Variants in INPP4B observed in about 807,000 individuals in gnomAD.
The protein encoded by INPP4B is inositol polyphosphate 4-phosphatase type II.
A neutral mutation model predicts 122.5 loss-of-function variants in INPP4B; 55 were observed. That is an observed-to-expected ratio of 0.45 (90% CI 0.36 to 0.56). INPP4B has a LOEUF of 0.56. INPP4B is among the 20% of genes least tolerant of loss of function. The probability of loss-of-function intolerance (pLI) is 0.00; values close to 1 mark genes in which losing one functional copy is unlikely to be tolerated. For synonymous variants in INPP4B, 403 were observed against 388.7 expected (o/e 1.04, Z -0.43); for missense variants, 1,000 against 1,097.7 (o/e 0.91, Z 1.26).
At chr4:142,673,710 A>C (rs553297683) in intron 2 of INPP4B, among the ~76,000 whole-genome samples, 6 of 152,254 alleles carry the variant, frequency 3.9e-5, no homozygotes, top group Non-Finnish European at 7.4e-5. Context: ...CAGAAGATGA[A>C]GGACAACCTG....
intron 11 of INPP4B, among the ~76,000 whole-genome samples, chr4:142,253,103 C>T (rs951780880): frequency 6.6e-6 from 1 of 152,020 alleles, no homozygotes; most frequent in African/African-American, 2.4e-5. Context: ...CATATCTAAA[C>T]ATAGAAAAGG....
intron 1 of INPP4B, among the ~76,000 whole-genome samples, chr4:142,751,253 A>T (rs1351893680): frequency 6.6e-6 from 1 of 150,520 alleles, no homozygotes; most frequent in Admixed American, 6.6e-5. Context: ...TTGTTTTCAT[A>T]AAAAGCCAAA....
At chr4:142,529,551 T>C (rs1827337900) in intron 2 of INPP4B, among the ~76,000 whole-genome samples, 1 of 152,002 alleles carries the variant, frequency 6.6e-6, no homozygotes, top group South Asian at 2.1e-4. Flanking sequence ...TATGTGAACA[T>C]AAAATGGATT....
At chr4:142,670,054 A>G (rs1756762735) in intron 2 of INPP4B, among the ~76,000 whole-genome samples, 1 of 152,222 alleles carries the variant, frequency 6.6e-6, no homozygotes, top group Admixed American at 6.5e-5. Flanking sequence ...TAAACAATTC[A>G]TAAGTTTGAA....
At chr4:142,627,780 G>A (rs1469793098) in intron 2 of INPP4B, among the ~76,000 whole-genome samples, 4 of 152,154 alleles carry the variant, frequency 2.6e-5, no homozygotes, top group Admixed American at 6.6e-5. Context: ...AATGAGTTAG[G>A]AGGATTCCCT....
intron 25 of INPP4B, among the ~76,000 whole-genome samples, chr4:142,066,313 A>C (rs533692794): frequency 6.6e-6 from 1 of 152,334 alleles, no homozygotes; most frequent in African/African-American, 2.4e-5. Context: ...TGGGTGTTAT[A>C]GTCTGGTAAG....
rs761329945 is a variant in INPP4B, at chr4:142,402,966, T to C, written c.344A>G (p.Tyr115Cys). Residue 115 changes from tyrosine (Y) to cysteine (C), a missense_variant, in exon 7 of 26, where the codon TAT (tyrosine) becomes TGT (cysteine). Tyr to Cys is a radical substitution (Grantham distance 194). Transcript: ENST00000262992. ...GTCATGAGACTTATCCTTGACATCA[T>C]AGACTGTTAGTTTTATTTTGGTCTC... ...YEETKIKLTV[Y>C]DVKDKSHDTV... 1.1e-5 allele frequency: 17 copies of C among 1,583,202 alleles called. No homozygotes were observed. Among genetic ancestry groups the C allele is most frequent in the East Asian group, 4.5e-5 (2 of 44,756 alleles).
At chr4:142,305,795 C>A in intron 8 of INPP4B, 1 of 1,237,154 alleles carries the variant, frequency 8.1e-7, no homozygotes. Flanking sequence ...AATACAGCAC[C>A]CAGAGTTGTT....
chr4:142,795,770 C>G (rs188430946), intron 1 of INPP4B, among the ~76,000 whole-genome samples: 1 of 152,070 alleles, frequency 6.6e-6, no homozygotes, highest in Non-Finnish European at 1.5e-5. Flanking sequence ...TCTCTGTTCA[C>G]CCAATGCTTT....
At chr4:142,624,812 C>T (rs1034275595) in intron 2 of INPP4B, among the ~76,000 whole-genome samples, 4 of 152,176 alleles carry the variant, frequency 2.6e-5, no homozygotes, top group Non-Finnish European at 5.9e-5. Flanking sequence ...CCCTGGGATG[C>T]AAGGCTGGTT....
chr4:142,432,008 T>C (rs934399187), intron 3 of INPP4B, among the ~76,000 whole-genome samples: 8 of 152,002 alleles, frequency 5.3e-5, no homozygotes, highest in African/African-American at 1.9e-4. Flanking sequence ...TCTAAAAAGC[T>C]AAAGCTCAAG....
At chr4:142,837,322 A>C (rs932060526) in intron 1 of INPP4B, among the ~76,000 whole-genome samples, 1 of 152,062 alleles carries the variant, frequency 6.6e-6, no homozygotes, top group African/African-American at 2.4e-5. Flanking sequence ...TACTTTTTTT[A>C]TTTGTATAAA....
intron 2 of INPP4B, among the ~76,000 whole-genome samples, chr4:142,722,196 T>C (rs546873381): frequency 1.1e-3 from 169 of 151,924 alleles, no homozygotes; most frequent in African/African-American, 3.8e-3. Flanking sequence ...CACAACTAAG[T>C]GTGAGTGAAT....
intron 16 of INPP4B, among the ~76,000 whole-genome samples, chr4:142,160,961 T>G (rs75247367): frequency 0.028 from 4,332 of 152,090 alleles, 191 homozygotes; most frequent in African/African-American, 0.098. Flanking sequence ...CTATGTGTAT[T>G]TTATTAAAAC....
At chr4:142,327,666 ACTG>A (rs1343015629) in intron 7 of INPP4B, among the ~76,000 whole-genome samples, 9 of 151,968 alleles carry the variant, frequency 5.9e-5, no homozygotes, top group Admixed American at 3.3e-4. Context: ...AGTTTTAAAA[ACTG>A]CTGATTCCAG....
At chr4:142,294,854 A>AAAAAAAAAAAAAAAAAAAAAC in intron 9 of INPP4B, among the ~76,000 whole-genome samples, 1 of 149,116 alleles carries the variant, frequency 6.7e-6, no homozygotes, top group Non-Finnish European at 1.5e-5. Flanking sequence ...AAAAAAAAAA[A>AAAAAAAAAAAAAAAAAAAAAC]AAGGCAGACT....
At position 142,346,379 on chromosome 4, in the gene INPP4B, G is replaced by T. The variant is rs546194802; in HGVS notation, c.373-31617C>A. ...TTAAGGAGACTTTGGGAACAAGAAG[G>T]CTTAGAAAGGAAATCAAAGAGGCAA... On this transcript the variant is annotated intron_variant, in intron 7 of 25. Coordinates refer to ENST00000262992, the MANE Select transcript of INPP4B (RefSeq NM_001101669.3). 2.5e-4 allele frequency among the ~76,000 whole-genome samples: 38 copies of T among 151,994 alleles called. 1 individual carries two copies. Among genetic ancestry groups the T allele is most frequent in the Admixed American group, 1.8e-3 (27 of 15,238 alleles).
At chr4:142,143,922 T>TA (rs1182401516) in intron 18 of INPP4B, among the ~76,000 whole-genome samples, 1 of 152,030 alleles carries the variant, frequency 6.6e-6, no homozygotes, top group Non-Finnish European at 1.5e-5. Flanking sequence ...TGACTTCTCT[T>TA]AAAAAAATTC....
intron 9 of INPP4B, among the ~76,000 whole-genome samples, chr4:142,302,931 A>T (rs1438702881): frequency 6.6e-6 from 1 of 152,196 alleles, no homozygotes; most frequent in Non-Finnish European, 1.5e-5. Flanking sequence ...ACTCAGAAAC[A>T]TAGTAAATTC....
Sources: gnomAD v4.1 joint callset for allele counts (sites outside exome capture counted in the v4.1 genomes callset) on GRCh38, gnomAD v4.1.1 for gene constraint, MANE v1.5 for transcripts, NCBI Gene and HGNC (gene_info 2026-07-23, HGNC 2026-07-21) for gene names.